PSORS1C1: variants seen among roughly 807,000 people sequenced by gnomAD.
PSORS1C1 encodes the protein psoriasis susceptibility 1 candidate gene 1 protein.
PSORS1C1 carries 7 observed loss-of-function variants against 9.4 expected under a neutral mutation model. The ratio of observed to expected loss-of-function variants is 0.75; its 90% CI spans 0.42 to 1.40. The LOEUF is 1.40. PSORS1C1 is among the 40% of genes most tolerant of loss of function. The pLI is 0.01. For missense variants in PSORS1C1, 146 were observed against 178.1 expected (o/e 0.82, Z 1.02); for synonymous variants, 63 against 69.4 (o/e 0.91, Z 0.46).
rs1298578416 is a variant in PSORS1C1, at chr6:31,114,890, A to C, written c.-230A>C. The C allele has an allele frequency of 2.3e-6, 1 of 443,688 alleles. No individual in the cohort carries two copies. Among genetic ancestry groups the C allele is most frequent in the Non-Finnish European group, 4.5e-6 (1 of 222,926 alleles). The allele number at this position is 443,688 out of a possible 1,614,324, so 27.5% of individuals were successfully genotyped here. ...ACTCCCAGAGAGGATGGCATCTAGA[A>C]GGTGAGGAATGCTAATGGTGGAAGA... is the stretch of plus-strand genomic sequence containing the variant. On this transcript the variant is annotated splice_region_variant and 5_prime_UTR_variant, in exon 1 of 6. Transcript: ENST00000259881.
intron 3 of PSORS1C1, among the ~76,000 whole-genome samples, chr6:31,131,373 C>CA (rs1222926654): frequency 6.6e-6 from 1 of 151,896 alleles, no homozygotes; most frequent in Non-Finnish European, 1.5e-5. Flanking sequence ...GCTGGTGGAT[C>CA]ACGAGGTCGG....
At position 31,138,715 on chromosome 6, in the gene PSORS1C1, G is replaced by A. The variant is rs151153963; in HGVS notation, c.103G>A (p.Glu35Lys). ...CCTTAACACAGATCCCAGCTCCGAG[G>A]AAACTCGTCCCCCCCACGTTAATCC... ...QLLNTDPSSE[E>K]TRPPHVNPDR... The change falls in exon 5 of 6, where the codon GAA becomes AAA. Residue 35 changes from glutamate (E) to lysine (K), a missense_variant. Glu to Lys is a moderately conservative substitution (Grantham distance 56). Transcript: ENST00000259881. 3.1e-6 allele frequency: 5 copies of A among 1,602,536 alleles called. No individual in the cohort carries two copies. The highest frequency in any genetic ancestry group is 4.3e-6 in the Non-Finnish European group (5 of 1,176,072).
At chr6:31,122,372 C>A (rs1772499972) in intron 1 of PSORS1C1, among the ~76,000 whole-genome samples, 1 of 152,206 alleles carries the variant, frequency 6.6e-6, no homozygotes, top group South Asian at 2.1e-4. Context: ...CAGCCCCAGG[C>A]TCCCTTTCCT....
chr6:31,138,890 C>G, intron 5 of PSORS1C1, 111 bp downstream of exon 5: 5 of 1,599,116 alleles, frequency 3.1e-6, no homozygotes, highest in Non-Finnish European at 4.3e-6. Flanking sequence ...TGTCCCCAAC[C>G]CCATGCGTCC....
intron 3 of PSORS1C1, 59 bp from the exon 4 acceptor site, chr6:31,138,371 C>T: frequency 1.2e-6 from 2 of 1,602,264 alleles, no homozygotes; most frequent in Non-Finnish European, 1.7e-6. Context: ...CCACCCAGCC[C>T]CAGCCCCAGG....
At chr6:31,137,998 G>T in intron 3 of PSORS1C1, 1 of 1,516,034 alleles carries the variant, frequency 6.6e-7, no homozygotes, top group African/African-American at 1.4e-5. Flanking sequence ...TCCTCCTGAG[G>T]TCGGTTGTCC....
At chr6:31,133,688 T>C (rs1189184815) in intron 3 of PSORS1C1, 1 of 152,258 alleles carries the variant, frequency 6.6e-6, no homozygotes, top group Non-Finnish European at 1.5e-5. Context: ...AATATGCATT[T>C]TTACTGTCTT....
At chr6:31,116,372 A>G in intron 1 of PSORS1C1, 3 of 1,609,104 alleles carry the variant, frequency 1.9e-6, no homozygotes, top group Admixed American at 1.7e-5. Context: ...GCACTGCCGC[A>G]GGGATGGTAG....
At chr6:31,136,889 G>A (rs1040876674) in intron 3 of PSORS1C1, among the ~76,000 whole-genome samples, 2 of 152,182 alleles carry the variant, frequency 1.3e-5, no homozygotes, top group African/African-American at 2.4e-5. Context: ...GGTGGCTCAC[G>A]CCTGTAATCC....
chr6:31,137,920 G>A (rs1773226642), intron 3 of PSORS1C1: 1 of 1,177,928 alleles, frequency 8.5e-7, no homozygotes, highest in Admixed American at 3.0e-5. Flanking sequence ...GCCTGGAGAT[G>A]CCTGGGAACA....
chr6:31,125,967 C>A, intron 2 of PSORS1C1, 128 bp downstream of exon 2: 1 of 152,592 alleles, frequency 6.6e-6, no homozygotes, highest in Non-Finnish European at 1.5e-5. Context: ...TGGTGCCCTC[C>A]TCTCTGGTTT....
At chr6:31,130,302 G>A (rs1401083876) in intron 3 of PSORS1C1, among the ~76,000 whole-genome samples, 1 of 151,510 alleles carries the variant, frequency 6.6e-6, no homozygotes, top group East Asian at 1.9e-4. Context: ...ATCCAAGCTG[G>A]AGTGCAGTGG....
intron 1 of PSORS1C1, chr6:31,118,202 C>A: frequency 6.6e-6 from 1 of 152,642 alleles, no homozygotes. Context: ...GGCAGAGGGG[C>A]TGAAATAAAG....
intron 4 of PSORS1C1, 68 bp downstream of exon 4, chr6:31,138,527 T>C (rs1442001370): frequency 6.2e-7 from 1 of 1,606,076 alleles, no homozygotes; most frequent in Non-Finnish European, 8.5e-7. Flanking sequence ...ATCTGAACCG[T>C]TCACTTGACC....
rs936047870 is a variant in PSORS1C1, at chr6:31,139,591, C to T, written c.168-50C>T. 4 of 1,583,206 alleles carry T rather than the reference C, an allele frequency of 2.5e-6. No individual in the cohort carries two copies. Among genetic ancestry groups the T allele is most frequent in the Non-Finnish European group, 3.4e-6 (4 of 1,161,382 alleles). On this transcript the variant is annotated intron_variant, in intron 5 of 5. Transcript: ENST00000259881. This position sits in a 1 kb window ranked among gnomAD's most constrained non-coding sequence, Gnocchi z 5.2. ...GCTTCGTGCTTTCCTGGGCACTTCC[C>T]TTCCCCCATGGGATCCAGGCATCCT... is the stretch of plus-strand genomic sequence containing the variant.
intron 3 of PSORS1C1, 62 bp from the exon 4 acceptor site, chr6:31,138,368 G>A: frequency 1.3e-5 from 12 of 910,462 alleles, no homozygotes; most frequent in Admixed American, 3.7e-5. Flanking sequence ...GCCCCACCCA[G>A]CCCCAGCCCC....
intron 5 of PSORS1C1, 198 bp downstream of exon 5, chr6:31,138,977 G>T (rs1237583432): frequency 1.9e-6 from 3 of 1,613,986 alleles, no homozygotes. Context: ...CTCACCTCTG[G>T]TGTGCAGGCA....
In PSORS1C1 at chr6:31,139,820, C is replaced by A; in HGVS notation, c.347C>A (p.Pro116His). 1.2e-6 allele frequency: 2 copies of A among 1,613,098 alleles called. No homozygotes were observed. The highest frequency in any genetic ancestry group is 2.7e-5 in the African/African-American group (2 of 75,032). Residue 116 changes from proline (P) to histidine (H), a missense_variant, in exon 6 of 6, where the codon CCC becomes CAC. Pro to His is a moderately conservative substitution (Grantham distance 77). Transcript: ENST00000259881. This position sits in a 1 kb window ranked among gnomAD's most constrained non-coding sequence, Gnocchi z 5.2. The part of the protein sequence containing the change: ...EEAARLQQPQ[P>H]LPPPSGIHLS... Reference sequence around the variant, plus strand: ...GCTGCCAGGCTCCAGCAACCTCAGCCCCTTCCTCCTCCCTCAGGAATCCAC... The same window carrying A: ...GCTGCCAGGCTCCAGCAACCTCAGCACCTTCCTCCTCCCTCAGGAATCCAC...
chr6:31,133,886 T>C (rs1412325180), intron 3 of PSORS1C1, among the ~76,000 whole-genome samples: 1 of 152,252 alleles, frequency 6.6e-6, no homozygotes, highest in East Asian at 1.9e-4. Flanking sequence ...CCTATTTAAT[T>C]CTACTAGGCT....
Sources: allele counts gnomAD v4.1 joint callset (sites outside exome capture counted in the v4.1 genomes callset), GRCh38; gene constraint gnomAD v4.1.1; non-coding constraint Gnocchi (gnomAD v3.1); transcripts MANE v1.5; gene names NCBI Gene and HGNC (gene_info 2026-07-23, HGNC 2026-07-21).